The following EXOC6 variants were observed in gnomAD, a reference collection of about 807,000 sequenced individuals.
EXOC6 encodes the protein SEC15-like 1.
In EXOC6, 60 loss-of-function variants were observed where a neutral mutation model predicts 112.5. That is an observed-to-expected ratio of 0.53 (90% CI 0.43 to 0.66). The LOEUF (loss-of-function observed/expected upper bound fraction) is 0.66, where lower values mean the gene tolerates loss of function less well. Ranked by LOEUF, EXOC6 falls within the 30% of genes least tolerant of loss-of-function variation. The pLI, the probability that EXOC6 is intolerant of heterozygous loss-of-function variation, is 0.00. For synonymous variants in EXOC6, 295 were observed against 308.0 expected (o/e 0.96, Z 0.44); for missense variants, 855 against 957.1 (o/e 0.89, Z 1.41).
intron 17 of EXOC6, among the ~76,000 whole-genome samples, chr10:92,970,601 T>G (rs185230586): frequency 9.9e-5 from 15 of 152,260 alleles, no homozygotes; most frequent in Non-Finnish European, 1.8e-4. Context: ...TAATTAACAT[T>G]AACTTAAATA....
intron 1 of EXOC6, chr10:92,834,834 C>G (rs771245840): frequency 6.5e-7 from 1 of 1,548,382 alleles, no homozygotes; most frequent in Admixed American, 1.7e-5. Flanking sequence ...GGTAGGGCAC[C>G]GTTGCATTTT....
chr10:92,858,636 G>A (rs11818653), intron 1 of EXOC6, among the ~76,000 whole-genome samples: 3,349 of 152,082 alleles, frequency 0.022, 56 homozygotes, highest in African/African-American at 0.041. Context: ...TCTCTATTTG[G>A]TAAGACATTG....
intron 6 of EXOC6, among the ~76,000 whole-genome samples, chr10:92,912,337 C>T (rs1850830960): frequency 2.0e-5 from 3 of 152,030 alleles, no homozygotes; most frequent in Admixed American, 2.0e-4. Flanking sequence ...CTATTTGTTC[C>T]CAGGCGGATC....
chr10:93,046,619 C>T (rs1427538082), intron 20 of EXOC6, among the ~76,000 whole-genome samples: 2 of 146,850 alleles, frequency 1.4e-5, no homozygotes, highest in Non-Finnish European at 1.5e-5. Flanking sequence ...TTTTATGAGA[C>T]CGAGTTTTGT....
intron 5 of EXOC6, among the ~76,000 whole-genome samples, chr10:92,906,540 G>A (rs192018808): frequency 5.9e-5 from 9 of 152,240 alleles, no homozygotes; most frequent in South Asian, 2.1e-4. Context: ...GAAGTATCTT[G>A]TATTTATAAA....
intron 1 of EXOC6, among the ~76,000 whole-genome samples, chr10:92,880,974 G>T (rs552717766): frequency 2.0e-5 from 3 of 152,022 alleles, no homozygotes; most frequent in Non-Finnish European, 4.4e-5. Context: ...TTTTCTTTAG[G>T]AATTCAGGAA....
chr10:92,862,910 G>A (rs932856622), intron 1 of EXOC6, among the ~76,000 whole-genome samples: 2 of 152,108 alleles, frequency 1.3e-5, no homozygotes, highest in South Asian at 4.1e-4. Context: ...TGGGTCATAT[G>A]GTAATTCTGT....
At chr10:93,030,684 C>T (rs1203300914) in intron 20 of EXOC6, among the ~76,000 whole-genome samples, 1 of 152,110 alleles carries the variant, frequency 6.6e-6, no homozygotes, top group East Asian at 1.9e-4. Context: ...TATGCAGTCT[C>T]CAAGTATGGA....
intron 20 of EXOC6, among the ~76,000 whole-genome samples, chr10:93,039,758 A>G (rs1277568012): frequency 6.6e-6 from 1 of 151,420 alleles, no homozygotes; most frequent in Non-Finnish European, 1.5e-5. Context: ...TGTTTTGTCT[A>G]CTCATCTTTT....
chr10:93,013,064 T>C (rs1844331529), intron 19 of EXOC6, among the ~76,000 whole-genome samples: 2 of 151,708 alleles, frequency 1.3e-5, no homozygotes, highest in Non-Finnish European at 2.9e-5. Context: ...TAGAAATTAA[T>C]GGGGTGGGAA....
chr10:92,866,693 G>GA (rs1430528289), intron 1 of EXOC6, among the ~76,000 whole-genome samples: 1 of 151,618 alleles, frequency 6.6e-6, no homozygotes, highest in Non-Finnish European at 1.5e-5. Context: ...ATGTGTTTAG[G>GA]AAAAAAAATC....
At chr10:92,961,426 T>G (rs1311922414) in intron 17 of EXOC6, among the ~76,000 whole-genome samples, 1 of 152,164 alleles carries the variant, frequency 6.6e-6, no homozygotes, top group African/African-American at 2.4e-5. Context: ...TACAGCTGAT[T>G]TAATACATTT....
chr10:92,889,028 T>TA (rs1259516808), intron 1 of EXOC6, among the ~76,000 whole-genome samples: 8 of 152,198 alleles, frequency 5.3e-5, no homozygotes, highest in African/African-American at 1.7e-4. Flanking sequence ...ACACTAAATG[T>TA]AAAAAATGCA....
In EXOC6 at chr10:93,058,998, T is replaced by C. The variant is rs1248876456; in HGVS notation, c.*643T>C. 6.6e-6 allele frequency: 1 copy of C among 152,230 alleles called. No homozygotes were observed. The highest frequency in any genetic ancestry group is 1.9e-4 in the East Asian group (1 of 5,204). 9.4% of individuals were successfully genotyped at this position (152,230 alleles called of 1,614,324 possible). On this transcript the variant is annotated 3_prime_UTR_variant, in exon 22 of 22. Coordinates refer to ENST00000260762, the MANE Select transcript of EXOC6 (RefSeq NM_019053.6). ...GGATTTTCTAAAGATGCAGTGTTGT[T>C]TCTGTTCATCAGGGTTAATATTTCT...
At chr10:93,020,011 T>G (rs1055033461) in intron 20 of EXOC6, among the ~76,000 whole-genome samples, 1 of 152,138 alleles carries the variant, frequency 6.6e-6, no homozygotes, top group East Asian at 1.9e-4. Flanking sequence ...AGACTAAAAT[T>G]TATTTTACAA....
intron 12 of EXOC6, 77 bp downstream of exon 12, chr10:92,935,962 T>TTA (rs1852316008): frequency 2.3e-6 from 2 of 874,112 alleles, no homozygotes; most frequent in Admixed American, 5.2e-5. Flanking sequence ...CTCATTTATG[T>TTA]TATTGTAGAT....
chr10:92,895,133 C>A, intron 4 of EXOC6, 113 bp downstream of exon 4: 1 of 689,036 alleles, frequency 1.5e-6, no homozygotes, highest in Admixed American at 2.3e-5. Flanking sequence ...GATTGCCTCA[C>A]AACAAAGACC....
intron 17 of EXOC6, among the ~76,000 whole-genome samples, chr10:92,960,099 G>A (rs1011835780): frequency 3.9e-5 from 6 of 152,130 alleles, no homozygotes; most frequent in Admixed American, 3.9e-4. Flanking sequence ...GCCCAAACTT[G>A]GAAGCAACCA....
At chr10:93,005,591 C>A (rs1843941389) in intron 19 of EXOC6, among the ~76,000 whole-genome samples, 1 of 152,110 alleles carries the variant, frequency 6.6e-6, no homozygotes, top group Non-Finnish European at 1.5e-5. Flanking sequence ...TAAGAAAATA[C>A]AGACTATTTC....
Sources: gnomAD v4.1 joint callset for allele counts (sites outside exome capture counted in the v4.1 genomes callset) on GRCh38, gnomAD v4.1.1 for gene constraint, MANE v1.5 for transcripts, NCBI Gene and HGNC (gene_info 2026-07-23, HGNC 2026-07-21) for gene names.